Variants in KCNB2 observed in about 807,000 individuals in gnomAD.
The protein encoded by KCNB2 is delayed rectifier potassium channel protein.
In KCNB2, 15 loss-of-function variants were observed where a neutral mutation model predicts 61.5. The ratio of observed to expected loss-of-function variants is 0.24; its 90% CI spans 0.16 to 0.38. KCNB2 has a LOEUF of 0.38. Among genes scored for constraint, KCNB2 ranks in the 10% least tolerant of loss-of-function variants. The pLI is 1.00. For missense variants in KCNB2, 828 were observed against 1,125.2 expected, an observed-to-expected ratio of 0.74 and a Z score of 3.78; for synonymous variants, 457 against 446.0, an observed-to-expected ratio of 1.02 and a Z score of -0.31.
chr8:72,905,289 C>G lies in KCNB2; in HGVS notation c.580-30646C>G, dbSNP rs546983264. On this transcript the variant is annotated intron_variant, in intron 2 of 2. Transcript: ENST00000523207. ...GTTTTATCAAGGATTTTCTCCTGTC[C>G]TTTTTGCCCCTTTAGTCTGGCCACC... Among the ~76,000 whole-genome samples the G allele has an allele frequency of 3.3e-5, 5 of 152,214 alleles. No individual in the cohort carries two copies. In the South Asian group the frequency reaches 8.3e-4, roughly 25 times the overall value.
At chr8:72,682,532 C>T (rs1459535910) in intron 2 of KCNB2, among the ~76,000 whole-genome samples, 1 of 150,928 alleles carries the variant, frequency 6.6e-6, no homozygotes, top group East Asian at 2.0e-4. Flanking sequence ...TATTGCCTGA[C>T]TCTGCCTCAG....
chr8:72,898,258 C>T (rs1008273492), intron 2 of KCNB2, among the ~76,000 whole-genome samples: 3 of 149,848 alleles, frequency 2.0e-5, no homozygotes, highest in Non-Finnish European at 4.4e-5. Context: ...CACATGGACA[C>T]AGGAAGGGGA....
intron 2 of KCNB2, among the ~76,000 whole-genome samples, chr8:72,578,856 G>A (rs917652832): frequency 9.2e-5 from 14 of 152,138 alleles, no homozygotes; most frequent in Admixed American, 2.6e-4. Context: ...TTTCTCCCCC[G>A]TTGCACTTTG....
chr8:72,773,021 C>G (rs545831752), intron 2 of KCNB2, among the ~76,000 whole-genome samples: 1 of 152,208 alleles, frequency 6.6e-6, no homozygotes, highest in Non-Finnish European at 1.5e-5. Flanking sequence ...ACAAGTCCAG[C>G]TCACCCTGCC....
At position 72,936,709 on chromosome 8, in the gene KCNB2, A is replaced by G; in HGVS notation, c.1354A>G (p.Met452Val). ...RAKRNGSIVS[M>V]NLKDAFARSM... Reference sequence around the variant, plus strand: ...CAAAAGGAACGGAAGCATCGTTTCTATGAACTTAAAAGATGCCTTCGCTCG... The same window carrying G: ...CAAAAGGAACGGAAGCATCGTTTCTGTGAACTTAAAAGATGCCTTCGCTCG... Residue 452 changes from methionine to valine, a missense_variant, in exon 3 of 3, where the codon ATG becomes GTG. Around this residue, in one of 4 missense-constraint regions of KCNB2, gnomAD observed 559 missense variants for 588.4 expected, o/e 0.95. Transcript: ENST00000523207. The surrounding 1 kb of genome is among the most constrained non-coding windows in gnomAD (Gnocchi z 5.6). 6.2e-7 allele frequency: 1 copy of G among 1,614,212 alleles called. No individual in the cohort carries two copies.
intron 2 of KCNB2, among the ~76,000 whole-genome samples, chr8:72,592,443 A>G (rs1220055267): frequency 7.4e-6 from 1 of 135,516 alleles, no homozygotes; most frequent in Non-Finnish European, 1.6e-5. Flanking sequence ...AGGGGTTAGA[A>G]TTATCAACTC....
At chr8:72,710,537 G>A (rs930146935) in intron 2 of KCNB2, among the ~76,000 whole-genome samples, 1 of 152,034 alleles carries the variant, frequency 6.6e-6, no homozygotes, top group South Asian at 2.1e-4. Context: ...AAAAACTAAA[G>A]GAAAAGTGGA....
At chr8:72,646,079 G>T (rs1227417015) in intron 2 of KCNB2, among the ~76,000 whole-genome samples, 5 of 152,070 alleles carry the variant, frequency 3.3e-5, no homozygotes, top group Non-Finnish European at 7.4e-5. Context: ...TGTTTTGGGA[G>T]TGTGAATCAA....
intron 2 of KCNB2, among the ~76,000 whole-genome samples, chr8:72,851,968 C>A (rs1387620265): frequency 6.6e-6 from 1 of 151,906 alleles, no homozygotes; most frequent in Non-Finnish European, 1.5e-5. Flanking sequence ...GGGCGTGGTG[C>A]CCCGTGCCTG....
At chr8:72,803,803 CTG>C (rs1443095910) in intron 2 of KCNB2, among the ~76,000 whole-genome samples, 1 of 152,224 alleles carries the variant, frequency 6.6e-6, no homozygotes, top group Non-Finnish European at 1.5e-5. Flanking sequence ...GGGTTACAAA[CTG>C]TGCTTCTTCT....
At chr8:72,704,968 G>T (rs1166443638) in intron 2 of KCNB2, among the ~76,000 whole-genome samples, 1 of 141,734 alleles carries the variant, frequency 7.1e-6, no homozygotes, top group Non-Finnish European at 1.5e-5. Context: ...TTATTGTATT[G>T]TTATTTTTCC....
intron 2 of KCNB2, among the ~76,000 whole-genome samples, chr8:72,816,173 A>G (rs1433724751): frequency 6.6e-6 from 1 of 152,180 alleles, no homozygotes; most frequent in African/African-American, 2.4e-5. Context: ...TTCCTTAAAG[A>G]GGGAAGATTG....
chr8:72,662,368 C>T lies in KCNB2; in HGVS notation c.579+94055C>T, dbSNP rs146846461. Among the ~76,000 whole-genome samples the T allele has an allele frequency of 4.1e-3, 617 of 152,292 alleles. 8 individuals are homozygous for T. The highest frequency in any genetic ancestry group is 0.014 in the African/African-American group (585 of 41,564). On this transcript the variant is annotated intron_variant, in intron 2 of 2. Coordinates refer to ENST00000523207, the MANE Select transcript of KCNB2 (RefSeq NM_004770.3). Reference sequence around the variant, plus strand: ...ACCAGTATAGGGCAACCAGCACAGGCCTCAGTGGGGCTGGGGAGGGAGGAC... The same window carrying T: ...ACCAGTATAGGGCAACCAGCACAGGTCTCAGTGGGGCTGGGGAGGGAGGAC...
intron 2 of KCNB2, among the ~76,000 whole-genome samples, chr8:72,682,794 T>A (rs751786961): frequency 6.6e-6 from 1 of 152,002 alleles, no homozygotes; most frequent in Non-Finnish European, 1.5e-5. Flanking sequence ...TTTGTAGAGA[T>A]GGGGGTCTCA....
chr8:72,592,161 AAG>A (rs998279944), intron 2 of KCNB2, among the ~76,000 whole-genome samples: 2 of 152,022 alleles, frequency 1.3e-5, no homozygotes, highest in African/African-American at 2.4e-5. Context: ...GAAACATAGA[AAG>A]AGAGAGTCAT....
intron 2 of KCNB2, among the ~76,000 whole-genome samples, chr8:72,664,572 A>C (rs1014665936): frequency 2.0e-5 from 3 of 152,206 alleles, no homozygotes; most frequent in African/African-American, 7.2e-5. Context: ...TGTTATTTCA[A>C]AGGAAAGACT....
chr8:72,810,057 G>A (rs538509859), intron 2 of KCNB2, among the ~76,000 whole-genome samples: 1 of 152,130 alleles, frequency 6.6e-6, no homozygotes, highest in Non-Finnish European at 1.5e-5. Flanking sequence ...ACAACCAAGA[G>A]GCCTCCTGCC....
At chr8:72,597,180 C>T (rs2128982008) in intron 2 of KCNB2, among the ~76,000 whole-genome samples, 1 of 152,104 alleles carries the variant, frequency 6.6e-6, no homozygotes, top group Admixed American at 6.6e-5. Context: ...CACGCCACCA[C>T]ACTCAGCTAA....
At chr8:72,589,841 A>T (rs546091941) in intron 2 of KCNB2, among the ~76,000 whole-genome samples, 2 of 152,320 alleles carry the variant, frequency 1.3e-5, no homozygotes, top group Admixed American at 6.5e-5. Flanking sequence ...TGCTGCTTTC[A>T]TGGTGATTAT....
Sources: gnomAD v4.1 joint callset for allele counts (sites outside exome capture counted in the v4.1 genomes callset) on GRCh38, gnomAD v4.1.1 for gene constraint, gnomAD v4.1.1 regional missense constraint, Gnocchi (gnomAD v3.1) non-coding constraint, MANE v1.5 for transcripts, NCBI Gene and HGNC (gene_info 2026-07-23, HGNC 2026-07-21) for gene names.